IL1F10: variants seen among roughly 807,000 people sequenced by gnomAD.
IL1F10 encodes the protein interleukin 1 family member 10.
IL1F10 carries 13 observed loss-of-function variants against 13.1 expected under a neutral mutation model. That is an observed-to-expected ratio of 0.99 (90% CI 0.64 to 1.57). IL1F10 has a LOEUF of 1.57. Among genes scored for constraint, IL1F10 ranks in the 40% most tolerant of loss-of-function variants. The pLI is 0.00. For synonymous variants in IL1F10, 78 were observed against 68.2 expected, an observed-to-expected ratio of 1.14 and a Z score of -0.71; for missense variants, 191 against 184.1, an observed-to-expected ratio of 1.04 and a Z score of -0.22.
chr2:113,074,809 G>A lies in IL1F10; in HGVS notation c.205G>A (p.Ala69Thr). The A allele has an allele frequency of 6.2e-7, 1 of 1,613,374 alleles. No homozygotes were observed. Among genetic ancestry groups the A allele is most frequent in the South Asian group, 1.1e-5 (1 of 91,034 alleles). ...GATCCAGGGAGGGAGCCGCTGCCTG[G>A]CATGTGTGGAGACAGAAGAGGGGCC... ...LGIQGGSRCL[A>T]CVETEEGPSL... is the part of the protein sequence containing the mutation. Residue 69 changes from alanine to threonine, a missense_variant, in exon 4 of 5, where the codon GCA becomes ACA. By Grantham distance (58) the Ala-to-Thr change is moderately conservative (BLOSUM62 0). Transcript: ENST00000341010.
chr2:113,074,599 T>A (rs1685900942), intron 3 of IL1F10, 124 bp from the exon 4 acceptor site: 1 of 1,283,898 alleles, frequency 7.8e-7, no homozygotes, highest in Non-Finnish European at 1.1e-6. Flanking sequence ...CACCGTCCAG[T>A]CTGCATGCAG....
chr2:113,074,464 C>T (rs944993237), intron 3 of IL1F10, 50 bp downstream of exon 3: 2 of 1,395,886 alleles, frequency 1.4e-6, no homozygotes, highest in Non-Finnish European at 2.0e-6. Flanking sequence ...TAGGCCCTCC[C>T]TTCTCTTCTT....
intron 1 of IL1F10, among the ~76,000 whole-genome samples, chr2:113,069,752 T>C (rs1685799143): frequency 6.6e-6 from 1 of 152,166 alleles, no homozygotes; most frequent in Non-Finnish European, 1.5e-5. Flanking sequence ...CTTAATATGA[T>C]GTGAAATAGA....
chr2:113,070,304 A>G (rs1421749894), intron 1 of IL1F10, among the ~76,000 whole-genome samples: 2 of 152,148 alleles, frequency 1.3e-5, no homozygotes, highest in East Asian at 1.9e-4. Context: ...ATCACAATCT[A>G]TCAGAACCCA....
At chr2:113,069,711 C>T (rs182057062) in intron 1 of IL1F10, among the ~76,000 whole-genome samples, 5 of 152,280 alleles carry the variant, frequency 3.3e-5, no homozygotes, top group South Asian at 2.1e-4. Context: ...CCAAGATAAT[C>T]ATTGCAGCTG....
intron 1 of IL1F10, among the ~76,000 whole-genome samples, chr2:113,068,629 T>A (rs535635426): frequency 6.6e-6 from 1 of 152,340 alleles, no homozygotes; most frequent in African/African-American, 2.4e-5. Flanking sequence ...ACTCAGCCTT[T>A]CTATTCAAAG....
At chr2:113,072,107 G>C (rs1685845657) in intron 1 of IL1F10, among the ~76,000 whole-genome samples, 1 of 152,186 alleles carries the variant, frequency 6.6e-6, no homozygotes, top group Admixed American at 6.5e-5. Context: ...GGAACAGAAT[G>C]GGGGAGTTTG....
intron 1 of IL1F10, 145 bp downstream of exon 1, chr2:113,068,161 G>A (rs1297370787): frequency 6.6e-6 from 1 of 152,126 alleles, no homozygotes; most frequent in African/African-American, 2.4e-5. Flanking sequence ...TGACATGATG[G>A]GACATCAAAA....
At chr2:113,070,221 A>C (rs28928280) in intron 1 of IL1F10, among the ~76,000 whole-genome samples, 2,357 of 152,302 alleles carry the variant, frequency 0.015, 56 homozygotes, top group African/African-American at 0.054. Flanking sequence ...GGCTTGGCAC[A>C]CAGCAGAGGT....
Position 113,074,781 on chromosome 2 carries a change from G to A in IL1F10, c.177G>A (p.Leu59=). 2 of 1,613,880 alleles carry A rather than the reference G, an allele frequency of 1.2e-6. No individual in the cohort carries two copies. The highest frequency in any genetic ancestry group is 1.1e-5 in the South Asian group (1 of 91,078). The change falls in exon 4 of 5, where the codon CTG becomes CTA. Residue 59 remains leucine, a synonymous_variant. Coordinates refer to ENST00000341010, the MANE Select transcript of IL1F10 (RefSeq NM_173161.3). Reference sequence around the variant, plus strand: ...CCCGCACCAAGGTCCCCATTTTCCTGGGGATCCAGGGAGGGAGCCGCTGCC... The same window carrying A: ...CCCGCACCAAGGTCCCCATTTTCCTAGGGATCCAGGGAGGGAGCCGCTGCC... ...GLARTKVPIF[L]GIQGGSRCLA... is the part of the protein sequence containing the mutation.
At chr2:113,068,271 C>CA (rs1341693866) in intron 1 of IL1F10, among the ~76,000 whole-genome samples, 1 of 151,676 alleles carries the variant, frequency 6.6e-6, no homozygotes, top group African/African-American at 2.4e-5. Context: ...AAAGTAATCT[C>CA]AAAAGAAACC....
At chr2:113,071,960 T>G (rs1268231869) in intron 1 of IL1F10, among the ~76,000 whole-genome samples, 1 of 152,230 alleles carries the variant, frequency 6.6e-6, no homozygotes, top group Non-Finnish European at 1.5e-5. Flanking sequence ...AATTCTGGAC[T>G]GGCCTTTCCA....
intron 4 of IL1F10, 97 bp from the exon 5 acceptor site, chr2:113,075,055 C>A: frequency 7.7e-7 from 1 of 1,299,430 alleles, no homozygotes; most frequent in Non-Finnish European, 1.1e-6. Flanking sequence ...TAAAAACCAG[C>A]CCTGTCAGGT....
At chr2:113,071,892 G>A (rs779666902) in intron 1 of IL1F10, among the ~76,000 whole-genome samples, 2 of 152,070 alleles carry the variant, frequency 1.3e-5, no homozygotes, top group East Asian at 1.9e-4. Flanking sequence ...TCATACTTGC[G>A]TTACTTTCCT....
chr2:113,075,398 C>T lies in IL1F10; in HGVS notation c.*34C>T, dbSNP rs1357726837. The T allele has an allele frequency of 6.8e-7, 1 of 1,480,362 alleles. No individual in the cohort carries two copies. The highest frequency in any genetic ancestry group is 9.2e-7 in the Non-Finnish European group (1 of 1,092,328). 91.7% of individuals were successfully genotyped at this position (1,480,362 alleles called of 1,614,324 possible). A position where few individuals can be genotyped will look rare whatever the true frequency, so the allele number is the denominator to read the frequency against. On this transcript the variant is annotated 3_prime_UTR_variant, in exon 5 of 5. Transcript: ENST00000341010. ...GAAACTGCGTTTTAGCCTTGTGCCCCCAAACCAAGCTCATCCTGCTCAGGG... is the reference window on the plus strand; with the variant it reads ...GAAACTGCGTTTTAGCCTTGTGCCCTCAAACCAAGCTCATCCTGCTCAGGG...
chr2:113,075,574 T>A lies in IL1F10; in HGVS notation c.*210T>A, dbSNP rs2105080622. 5.3e-6 allele frequency: 2 copies of A among 375,612 alleles called. 1 individual carries two copies. The highest frequency in any genetic ancestry group is 2.3e-4 in the South Asian group (2 of 8,670). The allele number at this position is 375,612 out of a possible 1,614,324, so 23.3% of individuals were successfully genotyped here. ...AGGAGACAATCCTGGGTTATCCTTG[T>A]GGGCTCAGTTTAATCACAAGAAGGA... On this transcript the variant is annotated 3_prime_UTR_variant, in exon 5 of 5. Transcript: ENST00000341010.
chr2:113,074,540 C>T, intron 3 of IL1F10, 126 bp downstream of exon 3: 1 of 1,060,982 alleles, frequency 9.4e-7, no homozygotes, highest in South Asian at 1.3e-5. Context: ...CAGAGAGCAG[C>T]TGTGGCCTCT....
rs749138258 is a variant in IL1F10, at chr2:113,074,382, T to G, written c.86T>G (p.Val29Gly). ...TACACAAGAGATGGCCAGCTGCTGG[T>G]GGGAGATCCTGTTGCAGACAACTGC... Reference protein sequence around the residue: ...ALYTRDGQLLVGDPVADNCCA... With the variant: ...ALYTRDGQLLGGDPVADNCCA... Residue 29 changes from valine (V) to glycine (G), a missense_variant, in exon 3 of 5, where the codon GTG becomes GGG. Physicochemically the swap from Val to Gly is moderately radical, Grantham distance 109. Transcript: ENST00000341010. 2.4e-5 allele frequency: 39 copies of G among 1,613,814 alleles called. No homozygotes were observed. Among genetic ancestry groups the G allele is most frequent in the Non-Finnish European group, 3.1e-5 (36 of 1,179,850 alleles).
chr2:113,075,648 T>G lies in IL1F10; in HGVS notation c.*284T>G, dbSNP rs901935115. On this transcript the variant is annotated 3_prime_UTR_variant, in exon 5 of 5. Coordinates refer to ENST00000341010, the MANE Select transcript of IL1F10 (RefSeq NM_173161.3). The stretch of plus-strand genomic sequence containing the variant: ...AGAATGGAAGATACCATGCTTCTAA[T>G]TTTGAAGATGGAGTGAGGGGCCTTG... The G allele has an allele frequency of 1.3e-4, 30 of 230,564 alleles. 1 individual carries two copies. Among genetic ancestry groups the G allele is most frequent in the Non-Finnish European group, 8.4e-6 (1 of 119,656 alleles). 14.3% of individuals were successfully genotyped at this position (230,564 alleles called of 1,614,324 possible).
Sources: allele counts gnomAD v4.1 joint callset (sites outside exome capture counted in the v4.1 genomes callset), GRCh38; gene constraint gnomAD v4.1.1; transcripts MANE v1.5; gene names NCBI Gene and HGNC (gene_info 2026-07-23, HGNC 2026-07-21).